NFASC: variants seen among roughly 807,000 people sequenced by gnomAD.
NFASC encodes the protein neurofascin homolog.
In NFASC, 43 loss-of-function variants were observed where a neutral mutation model predicts 147.5. The observed-to-expected ratio is 0.29, with a 90% confidence interval of 0.23 to 0.38. The LOEUF is 0.38. Ranked by LOEUF, NFASC falls within the 10% of genes least tolerant of loss-of-function variation. NFASC has a pLI of 1.00. For synonymous variants in NFASC, 622 were observed against 665.5 expected (o/e 0.93, Z 1.01); for missense variants, 1,320 against 1,689.0 (o/e 0.78, Z 3.83).
At chr1:204,862,451 A>C (rs1206138785) in intron 1 of NFASC, among the ~76,000 whole-genome samples, 1 of 152,262 alleles carries the variant, frequency 6.6e-6, no homozygotes, top group African/African-American at 2.4e-5. Context: ...GTGTTCATTT[A>C]AAAGATCAGC....
intron 21 of NFASC, 102 bp downstream of exon 21, chr1:204,982,122 G>A: frequency 1.4e-6 from 1 of 700,348 alleles, no homozygotes; most frequent in Non-Finnish European, 2.3e-6. Flanking sequence ...TGGGAGGACA[G>A]CCAGTTCCCA....
intron 2 of NFASC, 111 bp downstream of exon 2, chr1:204,920,851 A>G (rs2090318111): frequency 4.5e-6 from 2 of 445,900 alleles, no homozygotes; most frequent in Non-Finnish European, 4.1e-6. Flanking sequence ...GCCTGGCCCC[A>G]GGAATCTTCT....
intron 3 of NFASC, among the ~76,000 whole-genome samples, chr1:204,947,499 C>T (rs537719063): frequency 3.9e-5 from 6 of 152,308 alleles, no homozygotes; most frequent in African/African-American, 7.2e-5. Context: ...AGAGGCTGGG[C>T]GCCGCAGGCC....
chr1:204,965,769 CTG>C (rs2094916098), intron 8 of NFASC, among the ~76,000 whole-genome samples: 1 of 152,240 alleles, frequency 6.6e-6, no homozygotes, highest in Admixed American at 6.5e-5. Flanking sequence ...CTGAAGCTGA[CTG>C]TCAGAAGTAG....
chr1:204,924,207 C>T (rs1440490982), intron 2 of NFASC, among the ~76,000 whole-genome samples: 1 of 152,108 alleles, frequency 6.6e-6, no homozygotes, highest in East Asian at 1.9e-4. Context: ...CCTGTATTTT[C>T]ACATCTCCTC....
At chr1:204,861,932 A>G (rs2076716211) in intron 1 of NFASC, among the ~76,000 whole-genome samples, 1 of 152,226 alleles carries the variant, frequency 6.6e-6, no homozygotes, top group Non-Finnish European at 1.5e-5. Flanking sequence ...ACGCAGTGAC[A>G]TGGGTGGACA....
Position 204,968,994 on chromosome 1 carries a change from G to A in NFASC, c.1003+12G>A. 1 of 1,606,010 alleles carries A rather than the reference G, an allele frequency of 6.2e-7. No individual in the cohort carries two copies. Among genetic ancestry groups the A allele is most frequent in the Non-Finnish European group, 8.5e-7 (1 of 1,174,500 alleles). On this transcript the variant is annotated intron_variant, in intron 10 of 29. Coordinates refer to ENST00000339876, the MANE Select transcript of NFASC (RefSeq NM_001005388.3). The surrounding 1 kb of genome is among the most constrained non-coding windows in gnomAD (Gnocchi z 5.4). ...GGTGAGAGTAAAGGGTACGTTGTGT[G>A]TATTTATCATTATGATTATGTTGCC...
intron 1 of NFASC, among the ~76,000 whole-genome samples, chr1:204,878,919 C>T (rs981539258): frequency 2.6e-5 from 4 of 152,182 alleles, no homozygotes; most frequent in Admixed American, 2.6e-4. Context: ...GAGGCCTGGC[C>T]AGAACTGGTG....
At chr1:205,013,289 T>C (rs1327632866) in intron 29 of NFASC, among the ~76,000 whole-genome samples, 5 of 152,104 alleles carry the variant, frequency 3.3e-5, no homozygotes, top group African/African-American at 1.2e-4. Context: ...TTCCTAACCC[T>C]GAAGATAATG....
At position 204,969,689 on chromosome 1, in the gene NFASC, G is replaced by A. The variant is rs73069115; in HGVS notation, c.1003+707G>A. Among the ~76,000 whole-genome samples, 1,476 of 152,312 alleles carry A rather than the reference G, an allele frequency of 9.7e-3. 13 individuals carry two copies. The highest frequency in any genetic ancestry group is 0.034 in the African/African-American group (1,415 of 41,568). On this transcript the variant is annotated intron_variant, in intron 10 of 29. Coordinates refer to ENST00000339876, the MANE Select transcript of NFASC (RefSeq NM_001005388.3). ...GGGGTAGGGGGTGAGTATCAAGATT[G>A]TTGATAATCTGATCTGAAAGGCTCA...
At position 204,973,343 on chromosome 1, in the gene NFASC, C is replaced by T. The variant is rs1415519917; in HGVS notation, c.1203C>T (p.Ser401=). ...DTIIFRDTQI[S]SRAVYQCNTS... is the part of the protein sequence containing the mutation. ...TCATCTTCCGGGACACCCAGATCAGCAGCAGGGCTGTGTACCAGTGCAACA... is the reference window on the plus strand; with the variant it reads ...TCATCTTCCGGGACACCCAGATCAGTAGCAGGGCTGTGTACCAGTGCAACA... Residue 401 remains serine (S), a synonymous_variant, in exon 12 of 30, where the codon AGC becomes AGT. Transcript: ENST00000339876. 1.9e-6 allele frequency: 3 copies of T among 1,614,244 alleles called. No individual in the cohort carries two copies. The Admixed American group carries it at 5.0e-5, about 27-fold the overall frequency.
In NFASC at chr1:204,944,361, C is replaced by A; in HGVS notation, c.46C>A (p.Leu16Ile). Residue 16 changes from leucine (L) to isoleucine (I), a missense_variant, in exon 3 of 30, where the codon CTC becomes ATC. Around this residue, in one of 3 missense-constraint regions of NFASC, gnomAD observed 981 missense variants for 1,289.5 expected, o/e 0.76. Transcript: ENST00000339876. ...PPPWVHAAFLLCLLSLGGAIE... is the reference protein window; with the variant it reads ...PPPWVHAAFLICLLSLGGAIE... ...GCCCTGGGTCCATGCAGCCTTCCTC[C>A]TCTGCCTCCTCAGTCTTGGCGGAGC... 1 of 1,613,466 alleles carries A rather than the reference C, an allele frequency of 6.2e-7. No homozygotes were observed. Among genetic ancestry groups the A allele is most frequent in the Non-Finnish European group, 8.5e-7 (1 of 1,179,662 alleles).
intron 2 of NFASC, among the ~76,000 whole-genome samples, chr1:204,940,060 C>G (rs2093247650): frequency 6.6e-6 from 1 of 152,204 alleles, no homozygotes; most frequent in Admixed American, 6.5e-5. Context: ...ATCAAATAAT[C>G]TGTCCTCTTC....
At chr1:204,943,653 C>T (rs2093518011) in intron 2 of NFASC, among the ~76,000 whole-genome samples, 1 of 152,212 alleles carries the variant, frequency 6.6e-6, no homozygotes, top group Non-Finnish European at 1.5e-5. Context: ...GCCAATGTCA[C>T]CCTGCCCCCT....
intron 2 of NFASC, among the ~76,000 whole-genome samples, chr1:204,929,155 C>T (rs919369259): frequency 2.0e-5 from 3 of 152,022 alleles, no homozygotes; most frequent in African/African-American, 7.3e-5. Context: ...ATACCATTTC[C>T]CTCCCCCATC....
chr1:204,897,892 C>T (rs900599303), intron 1 of NFASC, among the ~76,000 whole-genome samples: 1 of 152,108 alleles, frequency 6.6e-6, no homozygotes, highest in South Asian at 2.1e-4. Flanking sequence ...CGTGCCACCA[C>T]GCCCAGCTAA....
At position 204,954,242 on chromosome 1, in the gene NFASC, G is replaced by A; in HGVS notation, c.270G>A (p.Val90=). 6.2e-7 allele frequency: 1 copy of A among 1,614,238 alleles called. No individual in the cohort carries two copies. Among genetic ancestry groups the A allele is most frequent in the Non-Finnish European group, 8.5e-7 (1 of 1,180,048 alleles). Residue 90 remains valine (V), a synonymous_variant, in exon 6 of 30, where the codon GTG becomes GTA. Transcript: ENST00000339876. This position sits in a 1 kb window ranked among gnomAD's most constrained non-coding sequence, Gnocchi z 5.7. The part of the protein sequence containing the change: ...RFFNIAKDPR[V]SMRRRSGTLV... ...TCAACATCGCCAAGGACCCCCGGGTGTCCATGAGGAGGAGGTCTGGGACCC... is the reference window on the plus strand; with the variant it reads ...TCAACATCGCCAAGGACCCCCGGGTATCCATGAGGAGGAGGTCTGGGACCC...
intron 2 of NFASC, among the ~76,000 whole-genome samples, chr1:204,923,287 C>T (rs2090870547): frequency 6.6e-6 from 1 of 152,128 alleles, no homozygotes; most frequent in African/African-American, 2.4e-5. Flanking sequence ...AAGCCACTGC[C>T]ATATGGAGCT....
chr1:204,926,398 ATATATATATTTTTTTTTTT>A (rs1445560482), intron 2 of NFASC, among the ~76,000 whole-genome samples: 1,023 of 94,596 alleles, frequency 0.011, 11 homozygotes, highest in Middle Eastern at 0.072. Context: ...ATATATATAT[ATATATATATTTTTTTTTTT>A]TTTTTTTTTT....
Sources: allele counts gnomAD v4.1 joint callset (sites outside exome capture counted in the v4.1 genomes callset), GRCh38; gene constraint gnomAD v4.1.1; regional missense constraint gnomAD v4.1.1; non-coding constraint Gnocchi (gnomAD v3.1); transcripts MANE v1.5; gene names NCBI Gene and HGNC (gene_info 2026-07-23, HGNC 2026-07-21).